Variants in SEC16A observed in about 807,000 individuals in gnomAD.
SEC16A encodes the protein protein transport protein Sec16A.
A neutral mutation model predicts 221.9 loss-of-function variants in SEC16A; 110 were observed. The observed-to-expected ratio is 0.50, with a 90% CI of 0.42 to 0.58. The LOEUF (loss-of-function observed/expected upper bound fraction) is 0.58. Among genes scored for constraint, SEC16A ranks in the 20% least tolerant of loss-of-function variants. The pLI is 0.00. For missense variants in SEC16A, 3,165 were observed against 3,097.8 expected, an observed-to-expected ratio of 1.02 and a Z score of -0.52; for synonymous variants, 1,393 against 1,257.7, an observed-to-expected ratio of 1.11 and a Z score of -2.28.
Position 136,440,940 on chromosome 9 carries a change from G to T in SEC16A, c.*815C>A, listed in dbSNP as rs947570711. 6.6e-6 allele frequency: 1 copy of T among 152,280 alleles called. No homozygotes were observed. Among genetic ancestry groups the T allele is most frequent in the South Asian group, 2.1e-4 (1 of 4,830 alleles). 9.4% of individuals were successfully genotyped at this position (152,280 alleles called of 1,614,324 possible). The stretch of plus-strand genomic sequence containing the variant: ...ATGAAGCCCAAATCAAACATCACAC[G>T]GTCAGTTTTCAACCTGGATGACCAC... On this transcript the variant is annotated 3_prime_UTR_variant, in exon 32 of 32. Transcript: ENST00000684901.
At chr9:136,444,099 G>A (rs928438696) in intron 30 of SEC16A, 199 bp from the exon 31 acceptor site, 9 of 491,166 alleles carry the variant, frequency 1.8e-5, no homozygotes, top group Admixed American at 3.9e-5. Flanking sequence ...TCAAAGCAAC[G>A]TGCAGAGCCA....
chr9:136,466,184 G>C lies in SEC16A; in HGVS notation c.4129-48C>G. The C allele has an allele frequency of 6.4e-7, 1 of 1,569,088 alleles. No individual in the cohort carries two copies. The highest frequency in any genetic ancestry group is 8.7e-7 in the Non-Finnish European group (1 of 1,155,140). ...CAAAATCAATTCCCCAGGCACAGCA[G>C]TAAAACTTTAGGTACATTGCAAACA... On this transcript the variant is annotated intron_variant, in intron 7 of 31. Transcript: ENST00000684901. This position sits in a 1 kb window ranked among gnomAD's most constrained non-coding sequence, Gnocchi z 5.5.
In SEC16A at chr9:136,454,114, T is replaced by A; in HGVS notation, c.6071A>T (p.Asp2024Val). ...RHLLQEARSPDPGIVPQEAPV... is the reference protein window; with the variant it reads ...RHLLQEARSPVPGIVPQEAPV... Reference sequence around the variant, plus strand: ...CAGCATCTCTGCAGCCCCACCTGGGTCTGGGCTCCTGGCTTCCTGGAGCAA... The same window carrying A: ...CAGCATCTCTGCAGCCCCACCTGGGACTGGGCTCCTGGCTTCCTGGAGCAA... The change falls in exon 21 of 32, where the codon GAC (aspartate) becomes GTC (valine). Residue 2024 changes from aspartate (D) to valine (V), a missense_variant. Transcript: ENST00000684901. The A allele has an allele frequency of 4.5e-6, 7 of 1,550,654 alleles. No individual in the cohort carries two copies. The highest frequency in any genetic ancestry group is 6.1e-6 in the Non-Finnish European group (7 of 1,147,120).
intron 9 of SEC16A, 55 bp from the exon 10 acceptor site, chr9:136,463,795 C>T (rs1276540876): frequency 3.1e-6 from 5 of 1,599,434 alleles, no homozygotes; most frequent in East Asian, 2.2e-5. Flanking sequence ...ACCCTGCTGG[C>T]AGGCCGGCCA....
chr9:136,477,218 G>C lies in SEC16A; in HGVS notation c.398C>G (p.Pro133Arg), dbSNP rs958420028. ...PFSGALTPSA[P>R]PGPEMNRSAE... ...ACTCCTGTTCATCTCAGGCCCAGGA[G>C]GTGCTGAAGGTGTCAATGCACCAGA... Residue 133 changes from proline to arginine, a missense_variant, in exon 3 of 32, where the codon CCT becomes CGT. Pro to Arg is a moderately radical substitution (Grantham distance 103). This residue lies in a region of SEC16A where 2,030 missense variants were observed against 1,923.1 expected (regional missense o/e 1.06). Coordinates refer to ENST00000684901, the MANE Select transcript of SEC16A (RefSeq NM_014866.2). 2 of 1,613,828 alleles carry C rather than the reference G, an allele frequency of 1.2e-6. No individual in the cohort carries two copies. The highest frequency in any genetic ancestry group is 1.3e-5 in the African/African-American group (1 of 74,938).
Position 136,466,428 on chromosome 9 carries a change from G to A in SEC16A, c.3964C>T (p.Pro1322Ser), listed in dbSNP as rs1171746590. The A allele has an allele frequency of 1.2e-6, 2 of 1,607,806 alleles. No homozygotes were observed. Among genetic ancestry groups the A allele is most frequent in the Non-Finnish European group, 1.7e-6 (2 of 1,177,346 alleles). Reference sequence around the variant, plus strand: ...TCGTCAAAACTCCCCGTGAAGCGAGGATCGTACCTCCAGTTGTTGTCACGT... The same window carrying A: ...TCGTCAAAACTCCCCGTGAAGCGAGAATCGTACCTCCAGTTGTTGTCACGT... ...EKRDNNWRYD[P>S]RFTGSFDDDP... is the part of the protein sequence containing the mutation. Residue 1322 changes from proline (P) to serine (S), a missense_variant, in exon 7 of 32, where the codon CCT (proline) becomes TCT (serine). By Grantham distance (74) the Pro-to-Ser change is moderately conservative. Coordinates refer to ENST00000684901, the MANE Select transcript of SEC16A (RefSeq NM_014866.2). This position sits in a 1 kb window ranked among gnomAD's most constrained non-coding sequence, Gnocchi z 5.5.
rs758053392 is a variant in SEC16A, at chr9:136,456,011, C to T, written c.5664+42G>A. On this transcript the variant is annotated intron_variant, in intron 19 of 31. Coordinates refer to ENST00000684901, the MANE Select transcript of SEC16A (RefSeq NM_014866.2). ...GTGGAAATGACAGGGACAGAAGCCA[C>T]CTTGCCAGACGCCTCTGTGCCACCC... is the stretch of plus-strand genomic sequence containing the variant. The T allele has an allele frequency of 5.3e-6, 8 of 1,514,342 alleles. No homozygotes were observed. The East Asian group carries it at 1.8e-4, about 34-fold the overall frequency. 93.8% of individuals were successfully genotyped at this position (1,514,342 alleles called of 1,614,324 possible).
At chr9:136,463,433 G>C in intron 11 of SEC16A, 30 bp downstream of exon 11, 1 of 1,604,740 alleles carries the variant, frequency 6.2e-7, no homozygotes, top group Non-Finnish European at 8.5e-7. Flanking sequence ...CCAGCAAGAA[G>C]AAACACTCTA....
At position 136,475,000 on chromosome 9, in the gene SEC16A, A is replaced by G; in HGVS notation, c.2616T>C (p.Ser872=). 1.2e-6 allele frequency: 2 copies of G among 1,613,774 alleles called. No homozygotes were observed. Among genetic ancestry groups the G allele is most frequent in the Middle Eastern group, 1.6e-4 (1 of 6,062 alleles). The change falls in exon 3 of 32, where the codon AGT becomes AGC. Residue 872 remains serine (S), a synonymous_variant. Transcript: ENST00000684901. The part of the protein sequence containing the change: ...ALVGDRPAVS[S]WALGGDSGEN... The stretch of plus-strand genomic sequence containing the variant: ...CCCCAGAATCACCACCGAGAGCCCA[A>G]CTGCTGACTGCAGGTCTATCCCCCA...
rs1484117151 is a variant in SEC16A, at chr9:136,466,217, G to C, written c.4128+47C>G. 6.3e-7 allele frequency: 1 copy of C among 1,575,178 alleles called. No homozygotes were observed. Among genetic ancestry groups the C allele is most frequent in the African/African-American group, 1.3e-5 (1 of 74,118 alleles). On this transcript the variant is annotated intron_variant, in intron 7 of 31. Transcript: ENST00000684901. The surrounding 1 kb of genome is among the most constrained non-coding windows in gnomAD (Gnocchi z 5.5). ...TTAGGTACATTGCAAACAGGATGGTGGTTCTAAACACAACCGTCCGCGTGT... is the reference window on the plus strand; with the variant it reads ...TTAGGTACATTGCAAACAGGATGGTCGTTCTAAACACAACCGTCCGCGTGT...
Position 136,476,487 on chromosome 9 carries a change from G to A in SEC16A, c.1129C>T (p.Gln377Ter). Residue 377 changes from glutamine (Q) to a stop codon, truncating the protein, a stop_gained, in exon 3 of 32, where the codon CAA becomes TAA. Transcript: ENST00000684901. LOFTEE classifies it high-confidence loss of function. ...GASGALAMFF[Q>*]GGETENEENL... ...TCCTCATTTTCTGTCTCTCCCCCTT[G>A]GAAAAACATCGCCAGAGCTCCTGAA... 6.2e-7 allele frequency: 1 copy of A among 1,613,178 alleles called. No homozygotes were observed. The highest frequency in any genetic ancestry group is 8.5e-7 in the Non-Finnish European group (1 of 1,179,772).
chr9:136,453,301 AAGAAACAATTTT>A lies in SEC16A; in HGVS notation c.6159+115_6159+126del, dbSNP rs1271829666. 1.8e-5 allele frequency: 12 copies of A among 667,494 alleles called. No homozygotes were observed. In the African/African-American group the frequency reaches 1.8e-4, roughly 10 times the overall value. 41.3% of individuals were successfully genotyped at this position (667,494 alleles called of 1,614,324 possible). The stretch of plus-strand genomic sequence containing the variant: ...AGCTATTTAGAAGCACTTTCACTTT[AAGAAACAATTTT>A]AGAAACAATTTCATAGTCCTCACTA... On this transcript the variant is annotated intron_variant, in intron 22 of 31. Coordinates refer to ENST00000684901, the MANE Select transcript of SEC16A (RefSeq NM_014866.2).
At chr9:136,470,495 T>C (rs1003403604) in intron 4 of SEC16A, among the ~76,000 whole-genome samples, 1 of 152,218 alleles carries the variant, frequency 6.6e-6, no homozygotes, top group Non-Finnish European at 1.5e-5. Context: ...GCTGGAAGGC[T>C]TTGAATCGGA....
intron 4 of SEC16A, 41 bp from the exon 5 acceptor site, chr9:136,468,553 T>C: frequency 1.6e-6 from 2 of 1,276,620 alleles, no homozygotes; most frequent in Non-Finnish European, 2.3e-6. Context: ...AAATTACCTA[T>C]TTCTTAAAGT....
Position 136,459,528 on chromosome 9 carries a change from T to G in SEC16A, c.5219A>C (p.His1740Pro). 1 of 1,604,210 alleles carries G rather than the reference T, an allele frequency of 6.2e-7. No individual in the cohort carries two copies. Among genetic ancestry groups the G allele is most frequent in the South Asian group, 1.1e-5 (1 of 89,304 alleles). ...LASRGLLDAA[H>P]FCYLMAQAGF... ...CGCCTGGGCCATGAGGTAGCAGAAG[T>G]GGGCCGCATCCAAGAGGCCCCTTGA... is the stretch of plus-strand genomic sequence containing the variant. The change falls in exon 16 of 32, where the codon CAC (histidine) becomes CCC (proline). Residue 1740 changes from histidine to proline, a missense_variant. By Grantham distance (77) the His-to-Pro change is moderately conservative. Around this residue, in one of 3 missense-constraint regions of SEC16A, gnomAD observed 1,088 missense variants for 1,089.6 expected, o/e 1.00. Transcript: ENST00000684901. The surrounding 1 kb of genome is among the most constrained non-coding windows in gnomAD (Gnocchi z 6.1).
intron 22 of SEC16A, among the ~76,000 whole-genome samples, chr9:136,452,888 T>C (rs1203197704): frequency 1.4e-5 from 2 of 145,598 alleles, no homozygotes; most frequent in Non-Finnish European, 3.0e-5. Context: ...CTGGCCAACA[T>C]GGTGAAACCC....
At position 136,477,461 on chromosome 9, in the gene SEC16A, G is replaced by A. The variant is rs778580994; in HGVS notation, c.155C>T (p.Thr52Met). ...CTGTCTACTAAAAGCAAATGGATCC[G>A]TGACCGGCTGCAACGGGCAAGTTGT... is the stretch of plus-strand genomic sequence containing the variant. ...APTTCPLQPV[T>M]DPFAFSRQAL... Residue 52 changes from threonine to methionine, a missense_variant, in exon 3 of 32, where the codon ACG (threonine) becomes ATG (methionine). Coordinates refer to ENST00000684901, the MANE Select transcript of SEC16A (RefSeq NM_014866.2). The A allele has an allele frequency of 5.0e-6, 8 of 1,613,912 alleles. No homozygotes were observed. Among genetic ancestry groups the A allele is most frequent in the African/African-American group, 4.0e-5 (3 of 74,924 alleles).
intron 1 of SEC16A, among the ~76,000 whole-genome samples, 47 bp from the exon 2 acceptor site, chr9:136,478,877 T>A (rs1302584676): frequency 2.6e-5 from 4 of 152,238 alleles, no homozygotes; most frequent in South Asian, 4.1e-4. Flanking sequence ...ATCATTTTTT[T>A]AAAAAGCACT....
chr9:136,452,449 C>CAAAAAAAAAA (rs752510860), intron 22 of SEC16A, among the ~76,000 whole-genome samples: 1,106 of 23,290 alleles, frequency 0.047, 235 homozygotes, highest in Non-Finnish European at 0.072. Context: ...AACTCCATCT[C>CAAAAAAAAAA]AAAAAAAAAA....
Sources: gnomAD v4.1 joint callset for allele counts (sites outside exome capture counted in the v4.1 genomes callset) on GRCh38, gnomAD v4.1.1 for gene constraint, gnomAD v4.1.1 regional missense constraint, Gnocchi (gnomAD v3.1) non-coding constraint, MANE v1.5 for transcripts, NCBI Gene and HGNC (gene_info 2026-07-23, HGNC 2026-07-21) for gene names.